The following ZNF34 variants were observed in gnomAD, a reference collection of about 807,000 sequenced individuals.
ZNF34 encodes zinc finger protein 34 (KOX 32).
Under a neutral mutation model 14.4 loss-of-function variants are expected in ZNF34, and 8 were observed. That is an observed-to-expected ratio of 0.55 (90% CI 0.33 to 1.00). The LOEUF is 1.00. ZNF34 is among the 50% of genes least tolerant of loss of function. The pLI is 0.03. For synonymous variants in ZNF34, 235 were observed against 247.9 expected (o/e 0.95, Z 0.49); for missense variants, 538 against 674.2 (o/e 0.80, Z 2.24).
intron 1 of ZNF34, among the ~76,000 whole-genome samples, chr8:144,782,971 G>C (rs761887676): frequency 6.7e-6 from 1 of 148,394 alleles, no homozygotes; most frequent in Non-Finnish European, 1.5e-5. Flanking sequence ...TATGCTCCCA[G>C]GTTAAAATAA....
In ZNF34 at chr8:144,774,557, A is replaced by C; in HGVS notation, c.329T>G (p.Phe110Cys). 1 of 1,613,882 alleles carries C rather than the reference A, an allele frequency of 6.2e-7. No individual in the cohort carries two copies. Among genetic ancestry groups the C allele is most frequent in the Non-Finnish European group, 8.5e-7 (1 of 1,179,864 alleles). The change falls in exon 6 of 6, where the codon TTT becomes TGT. Residue 110 changes from phenylalanine to cysteine, a missense_variant. Phe to Cys is a radical substitution (Grantham distance 205). Coordinates refer to ENST00000429371, the MANE Select transcript of ZNF34 (RefSeq NM_001286769.2). Reference sequence around the variant, plus strand: ...AGATCCCTGGGGATCTTCCTCACCAAATGTCTCCTGTGAAGTCAACTCCTT... The same window carrying C: ...AGATCCCTGGGGATCTTCCTCACCACATGTCTCCTGTGAAGTCAACTCCTT... ...EYKELTSQET[F>C]GEEDPQGSEP...
chr8:144,782,151 G>A (rs540968974), intron 1 of ZNF34, among the ~76,000 whole-genome samples: 31 of 152,050 alleles, frequency 2.0e-4, no homozygotes, highest in Non-Finnish European at 1.5e-4. Flanking sequence ...GTGAAACCCC[G>A]TCTCTACTAA....
At chr8:144,784,627 G>A (rs1826111020) in intron 1 of ZNF34, among the ~76,000 whole-genome samples, 1 of 151,524 alleles carries the variant, frequency 6.6e-6, no homozygotes, top group Non-Finnish European at 1.5e-5. Flanking sequence ...GCGTGGTGGC[G>A]GGCACCTGTA....
Position 144,774,102 on chromosome 8 carries a change from C to G in ZNF34, c.784G>C (p.Glu262Gln), listed in dbSNP as rs1825343306. 4 of 1,614,114 alleles carry G rather than the reference C, an allele frequency of 2.5e-6. No homozygotes were observed. The highest frequency in any genetic ancestry group is 2.2e-5 in the South Asian group (2 of 91,084). Residue 262 changes from glutamate (E) to glutamine (Q), a missense_variant, in exon 6 of 6, where the codon GAG becomes CAG. Transcript: ENST00000429371. ...CTCTGGCTGAAGGCTTTCCCACACTCATCACATTTGTAGGGCTTCTCTTCA... is the reference window on the plus strand; with the variant it reads ...CTCTGGCTGAAGGCTTTCCCACACTGATCACATTTGTAGGGCTTCTCTTCA... ...HTEEKPYKCD[E>Q]CGKAFSQSCE...
At chr8:144,778,884 C>G (rs1586733402) in intron 2 of ZNF34, among the ~76,000 whole-genome samples, 1 of 152,260 alleles carries the variant, frequency 6.6e-6, no homozygotes, top group East Asian at 1.9e-4. Flanking sequence ...AGGCGCGCAC[C>G]ACCACTGTTG....
In ZNF34 at chr8:144,773,693, T is replaced by A. The variant is rs1825306565; in HGVS notation, c.1193A>T (p.Tyr398Phe). Reference sequence around the variant, plus strand: ...AGCTTTCTCACATTCATTACATTTATAGGGTTTCTCTCCAGTGTGAATTCT... The same window carrying A: ...AGCTTTCTCACATTCATTACATTTAAAGGGTTTCTCTCCAGTGTGAATTCT... ...HQRIHTGEKP[Y>F]KCNECEKAFI... The change falls in exon 6 of 6, where the codon TAT (tyrosine) becomes TTT (phenylalanine). Residue 398 changes from tyrosine (Y) to phenylalanine (F), a missense_variant. Transcript: ENST00000429371. The surrounding 1 kb of genome is among the most constrained non-coding windows in gnomAD (Gnocchi z 5.4). The A allele has an allele frequency of 6.2e-7, 1 of 1,613,926 alleles. No homozygotes were observed.
At position 144,773,757 on chromosome 8, in the gene ZNF34, T is replaced by G. The variant is rs953064386; in HGVS notation, c.1129A>C (p.Lys377Gln). 6.2e-7 allele frequency: 1 copy of G among 1,614,010 alleles called. No individual in the cohort carries two copies. The highest frequency in any genetic ancestry group is 1.3e-5 in the African/African-American group (1 of 74,944). The change falls in exon 6 of 6, where the codon AAA (lysine) becomes CAA (glutamine). Residue 377 changes from lysine to glutamine, a missense_variant. Coordinates refer to ENST00000429371, the MANE Select transcript of ZNF34 (RefSeq NM_001286769.2). This position sits in a 1 kb window ranked among gnomAD's most constrained non-coding sequence, Gnocchi z 5.4. ...AGGTTAGAACTTTGTGTAAAGCCTT[T>G]GCCACATTCCTTGCACTCAAATGGC... ...EKPFECKECG[K>Q]GFTQSSNLIQ...
chr8:144,782,528 A>G (rs1457579805), intron 1 of ZNF34, among the ~76,000 whole-genome samples: 1 of 150,292 alleles, frequency 6.7e-6, no homozygotes, highest in Admixed American at 6.6e-5. Context: ...AAGAAATCAG[A>G]TACAGAATAA....
intron 1 of ZNF34, among the ~76,000 whole-genome samples, chr8:144,783,324 CAA>C (rs1349981729): frequency 6.6e-6 from 1 of 152,132 alleles, no homozygotes; most frequent in Admixed American, 6.6e-5. Context: ...GATTCAGTGA[CAA>C]GAGAGGGACG....
intron 1 of ZNF34, among the ~76,000 whole-genome samples, chr8:144,781,556 G>A (rs1825891840): frequency 2.0e-5 from 3 of 151,952 alleles, no homozygotes; most frequent in Non-Finnish European, 4.4e-5. Context: ...ATGACCAGTC[G>A]AGATTTTTAA....
At position 144,779,743 on chromosome 8, in the gene ZNF34, C is replaced by T. The variant is rs1189020388; in HGVS notation, c.-55+485G>A. ...TGCACCAAAGTGCCCAGCCTCCAGT[C>T]ACCTCTACTGCCTGCTGCCCTCGGG... is the stretch of plus-strand genomic sequence containing the variant. On this transcript the variant is annotated intron_variant, in intron 2 of 5. Transcript: ENST00000429371. This position sits in a 1 kb window ranked among gnomAD's most constrained non-coding sequence, Gnocchi z 4.1. Among the ~76,000 whole-genome samples the T allele has an allele frequency of 1.3e-5, 2 of 152,138 alleles. No homozygotes were observed. The highest frequency in any genetic ancestry group is 2.4e-5 in the African/African-American group (1 of 41,428).
At position 144,781,526 on chromosome 8, in the gene ZNF34, G is replaced by C. The variant is rs139195726; in HGVS notation, c.-107-1246C>G. 5.7e-3 allele frequency among the ~76,000 whole-genome samples: 865 copies of C among 152,178 alleles called. 10 individuals carry two copies. The highest frequency in any genetic ancestry group is 0.02 in the African/African-American group (812 of 41,514). The stretch of plus-strand genomic sequence containing the variant: ...CCGCCTTGGCCTCCCAAAGTGCTGG[G>C]ATTACAGGCAGGAGCCACCATGACC... On this transcript the variant is annotated intron_variant, in intron 1 of 5. Transcript: ENST00000429371.
At chr8:144,778,400 G>T in intron 3 of ZNF34, 39 bp downstream of exon 3, 2 of 1,488,474 alleles carry the variant, frequency 1.3e-6, no homozygotes, top group East Asian at 2.4e-5. Context: ...GAAAGCCCTG[G>T]GTAAAAACTT....
intron 2 of ZNF34, 63 bp from the exon 3 acceptor site, chr8:144,778,588 A>G: frequency 7.4e-7 from 1 of 1,347,268 alleles, no homozygotes; most frequent in Non-Finnish European, 1.0e-6. Flanking sequence ...AGCTCAGGCT[A>G]CTTGGTGCTG....
chr8:144,782,840 CTCAAAAAAAAAAAAAAAAAAAA>C (rs1331173903), intron 1 of ZNF34, among the ~76,000 whole-genome samples: 14 of 12,928 alleles, frequency 1.1e-3, no homozygotes, highest in African/African-American at 4.5e-3. Flanking sequence ...CAAAGCCTAT[CTCAAAAAAAAAAAAAAAAAAAA>C]AAAAAAAAAA....
intron 5 of ZNF34, among the ~76,000 whole-genome samples, chr8:144,775,725 G>A (rs570782506): frequency 9.2e-5 from 14 of 152,252 alleles, no homozygotes; most frequent in South Asian, 4.2e-4. Context: ...CCTGGGGAGC[G>A]GAAACAGTCT....
rs921264163 is a variant in ZNF34 at position 144,772,751 on chromosome 8, G to A, written c.*515C>T. 6.6e-6 allele frequency among the ~76,000 whole-genome samples: 1 copy of A among 151,984 alleles called. No homozygotes were observed. The highest frequency in any genetic ancestry group is 6.6e-5 in the Admixed American group (1 of 15,250). ...GACGGGGTTTCACCATGTTGGCCAG[G>A]CTGGTCTCAAACTCCTGACCTCAAG... On this transcript the variant is annotated 3_prime_UTR_variant, in exon 6 of 6. Transcript: ENST00000429371.
chr8:144,773,310 A>T lies in ZNF34; in HGVS notation c.1576T>A (p.Cys526Ser). 1 of 1,613,280 alleles carries T rather than the reference A, an allele frequency of 6.2e-7. No homozygotes were observed. Among genetic ancestry groups the T allele is most frequent in the East Asian group, 2.2e-5 (1 of 44,874 alleles). The change falls in exon 6 of 6, where the codon TGT (cysteine) becomes AGT (serine). Residue 526 changes from cysteine to serine, a missense_variant. Physicochemically the swap from Cys to Ser is moderately radical, Grantham distance 112. Transcript: ENST00000429371. The surrounding 1 kb of genome is among the most constrained non-coding windows in gnomAD (Gnocchi z 5.4). ...CGGAGGTGAATCCGCTGATGCTGAC[A>T]CATGTTGGAACTGTGCCGGAAGGCC... ...GKAFRHSSNM[C>S]QHQRIHLRED...
At chr8:144,775,799 C>G (rs746890705) in intron 5 of ZNF34, among the ~76,000 whole-genome samples, 10 of 152,102 alleles carry the variant, frequency 6.6e-5, no homozygotes, top group Admixed American at 3.3e-4. Flanking sequence ...AGGGTTTGTC[C>G]TATTTCTATA....
Sources: allele counts gnomAD v4.1 joint callset (sites outside exome capture counted in the v4.1 genomes callset), GRCh38; gene constraint gnomAD v4.1.1; non-coding constraint Gnocchi (gnomAD v3.1); transcripts MANE v1.5; gene names NCBI Gene and HGNC (gene_info 2026-07-23, HGNC 2026-07-21).